ASTN2: variants seen among roughly 807,000 people sequenced by gnomAD.
ASTN2 encodes astrotactin-2.
ASTN2 carries 54 observed loss-of-function variants against 139.8 expected under a neutral mutation model. The ratio of observed to expected loss-of-function variants is 0.39; its 90% CI spans 0.31 to 0.48. The LOEUF (loss-of-function observed/expected upper bound fraction) is 0.48. Ranked by LOEUF, ASTN2 falls within the 20% of genes least tolerant of loss-of-function variation. The probability of loss-of-function intolerance (pLI) is 0.95; values close to 1 mark genes in which losing one functional copy is unlikely to be tolerated. For synonymous variants in ASTN2, 756 were observed against 719.5 expected (o/e 1.05, Z -0.81); for missense variants, 1,565 against 1,725.1 (o/e 0.91, Z 1.64).
chr9:116,677,576 A>G (rs1859586244), intron 16 of ASTN2, among the ~76,000 whole-genome samples: 1 of 152,098 alleles, frequency 6.6e-6, no homozygotes, highest in Admixed American at 6.6e-5. Context: ...GCTATTGGCC[A>G]CCTGGAAGAT....
chr9:117,400,543 G>A (rs1262222322), intron 1 of ASTN2, among the ~76,000 whole-genome samples: 1 of 152,238 alleles, frequency 6.6e-6, no homozygotes, highest in African/African-American at 2.4e-5. Context: ...ACTTTGGGCA[G>A]TCCCCCTCCC....
chr9:117,184,120 A>G (rs932519874), intron 3 of ASTN2, among the ~76,000 whole-genome samples: 2 of 152,178 alleles, frequency 1.3e-5, no homozygotes, highest in African/African-American at 4.8e-5. Context: ...GCCCACATAT[A>G]AACAGGCTGA....
intron 2 of ASTN2, among the ~76,000 whole-genome samples, chr9:117,258,171 A>G (rs763901030): frequency 6.6e-6 from 1 of 152,138 alleles, no homozygotes; most frequent in Non-Finnish European, 1.5e-5. Context: ...ATGAAGTTCA[A>G]TTCATTAATT....
intron 17 of ASTN2, among the ~76,000 whole-genome samples, chr9:116,628,739 C>T (rs1410120668): frequency 1.3e-5 from 2 of 152,160 alleles, no homozygotes; most frequent in African/African-American, 2.4e-5. Flanking sequence ...TGGGTACTAA[C>T]GATGTGTCAA....
At chr9:117,296,005 C>T (rs948582799) in intron 1 of ASTN2, among the ~76,000 whole-genome samples, 3 of 151,818 alleles carry the variant, frequency 2.0e-5, no homozygotes, top group East Asian at 1.9e-4. Context: ...CAGGGCCTGG[C>T]GTGGTGGCTC....
At chr9:116,701,147 C>G (rs564184168) in intron 16 of ASTN2, 1 of 167,034 alleles carries the variant, frequency 6.0e-6, no homozygotes, top group South Asian at 2.1e-4. Context: ...GGGCTGATGG[C>G]AAGCCAAAGA....
At chr9:116,568,776 A>G (rs1424996892) in intron 19 of ASTN2, 1 of 152,222 alleles carries the variant, frequency 6.6e-6, no homozygotes. Context: ...ACCAAATTGA[A>G]CCAGGCAAGA....
intron 2 of ASTN2, among the ~76,000 whole-genome samples, chr9:117,252,947 T>C (rs1333987168): frequency 6.6e-6 from 1 of 152,076 alleles, no homozygotes; most frequent in Non-Finnish European, 1.5e-5. Context: ...TATGTTGTTG[T>C]TGCTGTTATT....
intron 1 of ASTN2, among the ~76,000 whole-genome samples, chr9:117,297,217 C>A (rs922102785): frequency 6.6e-6 from 1 of 152,170 alleles, no homozygotes; most frequent in Non-Finnish European, 1.5e-5. Context: ...AGAAAGCTTC[C>A]AATGAGTTTG....
chr9:116,712,590 G>T (rs139492368), intron 16 of ASTN2, among the ~76,000 whole-genome samples: 1 of 152,288 alleles, frequency 6.6e-6, no homozygotes, highest in East Asian at 1.9e-4. Flanking sequence ...GCTTCTCCTA[G>T]TACCTGCATC....
At chr9:116,589,511 C>T (rs1014311537) in intron 19 of ASTN2, among the ~76,000 whole-genome samples, 29 of 152,124 alleles carry the variant, frequency 1.9e-4, no homozygotes, top group African/African-American at 6.5e-4. Context: ...AACAGGTCTT[C>T]GTTTTTTTCT....
chr9:117,258,281 G>A (rs1255502944), intron 2 of ASTN2, among the ~76,000 whole-genome samples: 1 of 152,144 alleles, frequency 6.6e-6, no homozygotes, highest in African/African-American at 2.4e-5. Flanking sequence ...CAGACTCAGA[G>A]AGTCTCTGCG....
chr9:116,821,589 T>G (rs1337946267), intron 11 of ASTN2, among the ~76,000 whole-genome samples: 1 of 152,144 alleles, frequency 6.6e-6, no homozygotes, highest in African/African-American at 2.4e-5. Context: ...AGAGTGCTAT[T>G]TCTAAATAGC....
intron 10 of ASTN2, among the ~76,000 whole-genome samples, chr9:116,961,141 C>A (rs1036857154): frequency 1.3e-4 from 20 of 152,032 alleles, no homozygotes; most frequent in Non-Finnish European, 2.6e-4. Context: ...ATGCACCCTT[C>A]CCCCAAAACC....
chr9:116,775,130 T>C (rs1830047265), intron 13 of ASTN2, among the ~76,000 whole-genome samples: 2 of 152,036 alleles, frequency 1.3e-5, no homozygotes, highest in Admixed American at 6.6e-5. Flanking sequence ...GAAAAGACTA[T>C]CTGTTATCCA....
chr9:117,150,100 G>A (rs539432136), intron 3 of ASTN2, among the ~76,000 whole-genome samples: 17 of 152,178 alleles, frequency 1.1e-4, no homozygotes, highest in African/African-American at 3.9e-4. Flanking sequence ...TTGAATGATG[G>A]AATTAAATTT....
chr9:117,315,493 T>C lies in ASTN2; in HGVS notation c.443-23980A>G, dbSNP rs185266545. On this transcript the variant is annotated intron_variant, in intron 1 of 22. Coordinates refer to ENST00000313400, the MANE Select transcript of ASTN2 (RefSeq NM_001365068.1). ...AGGCTTCTTACCAGACCTGAGAACTTGGACAAATCACTGGCACTGTCCCAG... is the reference window on the plus strand; with the variant it reads ...AGGCTTCTTACCAGACCTGAGAACTCGGACAAATCACTGGCACTGTCCCAG... 9.8e-5 allele frequency among the ~76,000 whole-genome samples: 15 copies of C among 152,334 alleles called. No homozygotes were observed. The East Asian group carries it at 2.7e-3, about 27-fold the overall frequency.
chr9:117,301,361 GAATGGAGACA>G (rs1219646808), intron 1 of ASTN2, among the ~76,000 whole-genome samples: 1 of 152,184 alleles, frequency 6.6e-6, no homozygotes. Context: ...GGTGACTAAA[GAATGGAGACA>G]GGAACTAACC....
chr9:117,293,787 C>T (rs1834656304), intron 1 of ASTN2, among the ~76,000 whole-genome samples: 1 of 152,322 alleles, frequency 6.6e-6, no homozygotes, highest in Middle Eastern at 3.4e-3. Context: ...TCATTTTTCT[C>T]TCAGTGCATC....
Sources: allele counts gnomAD v4.1 joint callset (sites outside exome capture counted in the v4.1 genomes callset), GRCh38; gene constraint gnomAD v4.1.1; transcripts MANE v1.5; gene names NCBI Gene and HGNC (gene_info 2026-07-23, HGNC 2026-07-21).